DNM3: variants seen among roughly 807,000 people sequenced by gnomAD.
DNM3 encodes the protein dynamin-3.
A neutral mutation model predicts 101.6 loss-of-function variants in DNM3; 47 were observed. That is an observed-to-expected ratio of 0.46 (90% CI 0.37 to 0.59). The LOEUF (loss-of-function observed/expected upper bound fraction) is 0.59, where lower values mean the gene tolerates loss of function less well. Ranked by LOEUF, DNM3 falls within the 20% of genes least tolerant of loss-of-function variation. DNM3 has a pLI of 0.00. For synonymous variants in DNM3, 385 were observed against 387.9 expected, an observed-to-expected ratio of 0.99 and a Z score of 0.09; for missense variants, 849 against 1,085.7, an observed-to-expected ratio of 0.78 and a Z score of 3.06.
chr1:172,415,478 T>C (rs2071392405), downstream of DNM3: 1 of 151,990 alleles, frequency 6.6e-6, no homozygotes. Context: ...GGTTATTAAC[T>C]TACCTAAAGG....
At chr1:171,964,365 C>T (rs1414908457) in intron 2 of DNM3, among the ~76,000 whole-genome samples, 1 of 152,122 alleles carries the variant, frequency 6.6e-6, no homozygotes, top group Non-Finnish European at 1.5e-5. Context: ...CCCAGAAACT[C>T]CCTTCTGTTG....
intron 14 of DNM3, among the ~76,000 whole-genome samples, chr1:172,182,458 C>G (rs2059384307): frequency 6.6e-6 from 1 of 151,992 alleles, no homozygotes; most frequent in Admixed American, 6.6e-5. Context: ...CACACTTTTT[C>G]CCTCAAATGC....
chr1:171,913,810 A>G (rs1258016158), intron 1 of DNM3, among the ~76,000 whole-genome samples: 2 of 151,562 alleles, frequency 1.3e-5, no homozygotes, highest in South Asian at 4.2e-4. Context: ...TTTTTTTTAG[A>G]CAGAGTTTCA....
intron 4 of DNM3, among the ~76,000 whole-genome samples, chr1:172,008,775 TTTAATATATA>T (rs1558412598): frequency 7.5e-6 from 1 of 133,244 alleles, no homozygotes; most frequent in African/African-American, 3.0e-5. Context: ...ATGTTATAGG[TTTAATATATA>T]TTAATATATA....
chr1:172,212,578 GCA>G, intron 14 of DNM3, among the ~76,000 whole-genome samples: 1 of 152,086 alleles, frequency 6.6e-6, no homozygotes, highest in Non-Finnish European at 1.5e-5. Context: ...ATCTTATGGT[GCA>G]CAGTCACCAC....
chr1:172,178,054 G>T (rs916769810), intron 14 of DNM3, among the ~76,000 whole-genome samples: 1 of 151,970 alleles, frequency 6.6e-6, no homozygotes, highest in African/African-American at 2.4e-5. Flanking sequence ...TGTTTGTTTT[G>T]TTCCTAGATT....
At chr1:172,226,696 A>G (rs2061134626) in intron 14 of DNM3, among the ~76,000 whole-genome samples, 2 of 152,162 alleles carry the variant, frequency 1.3e-5, no homozygotes, top group South Asian at 2.1e-4. Context: ...ATAAGCACTC[A>G]ACCAATGTTA....
At chr1:172,232,780 G>A (rs2061388098) in intron 14 of DNM3, among the ~76,000 whole-genome samples, 1 of 152,176 alleles carries the variant, frequency 6.6e-6, no homozygotes, top group Admixed American at 6.5e-5. Flanking sequence ...ACCTGCTCCT[G>A]AATGACTACT....
intron 14 of DNM3, among the ~76,000 whole-genome samples, chr1:172,194,795 TG>T (rs2059887527): frequency 6.6e-6 from 1 of 152,160 alleles, no homozygotes; most frequent in African/African-American, 2.4e-5. Flanking sequence ...AGCACACTGA[TG>T]GGTCTTGACT....
intron 17 of DNM3, chr1:172,339,141 T>C (rs1218800220): frequency 4.8e-6 from 2 of 413,668 alleles, no homozygotes; most frequent in East Asian, 1.3e-4. Context: ...AGTTGTTGCT[T>C]TTCAATGTGT....
intron 2 of DNM3, among the ~76,000 whole-genome samples, chr1:171,972,598 C>T (rs900621023): frequency 6.6e-6 from 1 of 152,134 alleles, no homozygotes; most frequent in East Asian, 1.9e-4. Context: ...GCCTGTAATC[C>T]CAGCACTTTG....
At chr1:172,370,435 A>G (rs1246466534) in intron 17 of DNM3, 1 of 152,000 alleles carries the variant, frequency 6.6e-6, no homozygotes, top group East Asian at 1.9e-4. Context: ...ATGCTATATA[A>G]AGAAGATGAA....
chr1:171,865,709 C>T (rs150509667), intron 1 of DNM3, among the ~76,000 whole-genome samples: 180 of 152,120 alleles, frequency 1.2e-3, no homozygotes, highest in African/African-American at 3.1e-3. Flanking sequence ...TTGTTATCTT[C>T]GAGGATTAAG....
chr1:172,358,856 G>C (rs373604426), intron 17 of DNM3, among the ~76,000 whole-genome samples: 1 of 150,804 alleles, frequency 6.6e-6, no homozygotes, highest in African/African-American at 2.4e-5. Context: ...ACTCCTTTCC[G>C]GGTCTCCCTT....
At chr1:172,066,298 T>C (rs2051658041) in intron 10 of DNM3, among the ~76,000 whole-genome samples, 1 of 152,170 alleles carries the variant, frequency 6.6e-6, no homozygotes, top group Admixed American at 6.6e-5. Context: ...AGGAATTTAT[T>C]TCTTTATACA....
intron 1 of DNM3, among the ~76,000 whole-genome samples, chr1:171,851,521 C>G (rs2124997589): frequency 6.6e-6 from 1 of 152,282 alleles, no homozygotes; most frequent in East Asian, 1.9e-4. Context: ...GCAAGCAATT[C>G]TCATGCCTCA....
chr1:172,363,130 G>T lies in DNM3; in HGVS notation c.1894-15888G>T, dbSNP rs532775450. On this transcript the variant is annotated intron_variant, in intron 17 of 20. Transcript: ENST00000627582. ...TTTACTGAGTACTCACACTAGGCCA[G>T]GCACTTTGCTAAACACAAAGACAAA... 8.6e-5 allele frequency among the ~76,000 whole-genome samples: 13 copies of T among 151,804 alleles called. No homozygotes were observed. In the South Asian group the frequency reaches 2.7e-3, roughly 32 times the overall value.
chr1:172,334,541 C>A (rs941995349), intron 17 of DNM3, among the ~76,000 whole-genome samples: 1 of 152,160 alleles, frequency 6.6e-6, no homozygotes, highest in Admixed American at 6.5e-5. Flanking sequence ...TACTCCTATA[C>A]CCAAACAGCC....
intron 1 of DNM3, among the ~76,000 whole-genome samples, chr1:171,851,909 C>T (rs1226590357): frequency 6.6e-6 from 1 of 152,208 alleles, no homozygotes. Flanking sequence ...GTATTTCTTA[C>T]TATGGGTTAT....
Sources: gnomAD v4.1 joint callset for allele counts (sites outside exome capture counted in the v4.1 genomes callset) on GRCh38, gnomAD v4.1.1 for gene constraint, MANE v1.5 for transcripts, NCBI Gene and HGNC (gene_info 2026-07-23, HGNC 2026-07-21) for gene names.